Variants in GPD2 observed in about 807,000 individuals in gnomAD.
GPD2 encodes glycerol-3-phosphate dehydrogenase 2.
A neutral mutation model predicts 82.4 loss-of-function variants in GPD2; 54 were observed. That is an observed-to-expected ratio of 0.66 (90% confidence interval 0.53 to 0.82). The LOEUF (loss-of-function observed/expected upper bound fraction) is 0.82. Ranked by LOEUF, GPD2 falls within the 40% of genes least tolerant of loss-of-function variation. GPD2 has a pLI of 0.00. For missense variants in GPD2, 748 were observed against 896.2 expected (o/e 0.83, Z 2.11); for synonymous variants, 288 against 306.1 (o/e 0.94, Z 0.62).
At chr2:156,472,304 T>C (rs1683358718) in intron 1 of GPD2, among the ~76,000 whole-genome samples, 2 of 152,156 alleles carry the variant, frequency 1.3e-5, no homozygotes, top group African/African-American at 4.8e-5. Context: ...CTTTCAGCAT[T>C]AAAACAAAGT....
At chr2:156,550,943 G>A (rs573068048) in intron 8 of GPD2, among the ~76,000 whole-genome samples, 197 bp downstream of exon 8, 14 of 152,150 alleles carry the variant, frequency 9.2e-5, no homozygotes, top group South Asian at 2.1e-4. Flanking sequence ...GGCAATACTC[G>A]TTTCTAAGGG....
At chr2:156,451,144 T>C (rs928435945) in intron 1 of GPD2, among the ~76,000 whole-genome samples, 9 of 151,434 alleles carry the variant, frequency 5.9e-5, no homozygotes, top group African/African-American at 1.7e-4. Flanking sequence ...AAAACCGCCA[T>C]TGTCATCATG....
the GPD2 span, among the ~76,000 whole-genome samples, chr2:156,426,127 T>A: frequency 2.0e-5 from 3 of 151,596 alleles, no homozygotes; most frequent in East Asian, 1.9e-4. Context: ...GTTTCACCGT[T>A]TTAGCCGGGA....
At chr2:156,568,996 T>TC (rs1428769103) in intron 10 of GPD2, 37 bp downstream of exon 10, 1 of 1,567,606 alleles carries the variant, frequency 6.4e-7, no homozygotes, top group African/African-American at 1.4e-5. Flanking sequence ...TTTTCTTTTT[T>TC]TTTTTTTTTT....
chr2:156,561,173 G>T (rs998811347), intron 9 of GPD2, among the ~76,000 whole-genome samples: 4 of 148,632 alleles, frequency 2.7e-5, no homozygotes, highest in African/African-American at 1.0e-4. Context: ...TCAGCCTCCT[G>T]AGTAGCTGGG....
chr2:156,422,378 TG>T, the GPD2 span, among the ~76,000 whole-genome samples: 1 of 152,118 alleles, frequency 6.6e-6, no homozygotes, highest in Admixed American at 6.6e-5. Flanking sequence ...AAACTGTCTT[TG>T]TAGGTTGTTG....
At chr2:156,547,197 T>G (rs1686574413) in intron 6 of GPD2, among the ~76,000 whole-genome samples, 1 of 152,172 alleles carries the variant, frequency 6.6e-6, no homozygotes, top group Non-Finnish European at 1.5e-5. Context: ...CATGGATGAT[T>G]CTAGTATCAT....
intron 1 of GPD2, among the ~76,000 whole-genome samples, chr2:156,448,617 G>A (rs1049372302): frequency 1.3e-5 from 2 of 152,228 alleles, no homozygotes; most frequent in African/African-American, 2.4e-5. Context: ...TTTAAGCTGA[G>A]TCGTGAATGA....
chr2:156,522,895 C>T (rs1301375865), intron 6 of GPD2, among the ~76,000 whole-genome samples: 1 of 151,722 alleles, frequency 6.6e-6, no homozygotes, highest in Non-Finnish European at 1.5e-5. Context: ...TGGCTTCTTT[C>T]AGCTATGATT....
In GPD2 at chr2:156,575,614, C is replaced by T. The variant is rs368257972; in HGVS notation, c.1768-3275C>T. Among the ~76,000 whole-genome samples, 45 of 151,726 alleles carry T rather than the reference C, an allele frequency of 3.0e-4. No homozygotes were observed. In the East Asian group the frequency reaches 8.0e-3, roughly 27 times the overall value. On this transcript the variant is annotated intron_variant, in intron 13 of 16. Transcript: ENST00000438166. ...GGAGACAGGGTTTTGCCATGCTGTC[C>T]GGGCTGGTCTCAAACTCCCGGGCTC...
intron 6 of GPD2, among the ~76,000 whole-genome samples, chr2:156,545,741 T>C (rs1299666999): frequency 6.6e-6 from 1 of 152,216 alleles, no homozygotes; most frequent in Non-Finnish European, 1.5e-5. Flanking sequence ...GTTTTTTTCA[T>C]ATTTACTCAT....
At chr2:156,473,398 A>G (rs1280794473) in intron 1 of GPD2, among the ~76,000 whole-genome samples, 3 of 152,216 alleles carry the variant, frequency 2.0e-5, no homozygotes, top group Admixed American at 6.5e-5. Flanking sequence ...GGACCCACAC[A>G]TTTGGAAATA....
At chr2:156,546,769 CAT>C (rs1183549724) in intron 6 of GPD2, among the ~76,000 whole-genome samples, 1 of 152,170 alleles carries the variant, frequency 6.6e-6, no homozygotes, top group East Asian at 1.9e-4. Flanking sequence ...ACTTATTTAA[CAT>C]AAATATAGGG....
upstream of GPD2, among the ~76,000 whole-genome samples, chr2:156,432,795 T>C (rs142286797): frequency 4.6e-5 from 7 of 152,344 alleles, no homozygotes; most frequent in African/African-American, 1.7e-4. Flanking sequence ...GTGGGAACTA[T>C]AGAGCAGAGG....
intron 6 of GPD2, among the ~76,000 whole-genome samples, chr2:156,543,211 A>C (rs1218818899): frequency 6.6e-6 from 1 of 152,070 alleles, no homozygotes; most frequent in Non-Finnish European, 1.5e-5. Flanking sequence ...GTCCCCCTTG[A>C]TCCCATGACC....
the GPD2 span, among the ~76,000 whole-genome samples, chr2:156,429,339 T>C: frequency 1.3e-5 from 2 of 152,258 alleles, no homozygotes; most frequent in African/African-American, 4.8e-5. Context: ...TTAATACTTA[T>C]TCATGTTCTC....
At chr2:156,427,275 C>T in the GPD2 span, among the ~76,000 whole-genome samples, 3 of 152,206 alleles carry the variant, frequency 2.0e-5, no homozygotes, top group Non-Finnish European at 2.9e-5. Flanking sequence ...GAAAGAGGAA[C>T]TGAGTGGTAT....
intron 13 of GPD2, 99 bp from the exon 14 acceptor site, chr2:156,578,790 A>G: frequency 2.6e-6 from 2 of 768,662 alleles, no homozygotes; most frequent in Non-Finnish European, 4.7e-6. Context: ...TTAGATAAGT[A>G]AGGATCAACT....
chr2:156,555,689 GT>G (rs1036890057), intron 8 of GPD2, among the ~76,000 whole-genome samples: 1 of 152,088 alleles, frequency 6.6e-6, no homozygotes, highest in African/African-American at 2.4e-5. Context: ...TTTTTAGATA[GT>G]TTTATGATAA....
Sources: allele counts gnomAD v4.1 joint callset (sites outside exome capture counted in the v4.1 genomes callset), GRCh38; gene constraint gnomAD v4.1.1; transcripts MANE v1.5; gene names NCBI Gene and HGNC (gene_info 2026-07-23, HGNC 2026-07-21).